The following DPP6 variants were observed in gnomAD, a reference collection of about 807,000 sequenced individuals.
DPP6 encodes the protein A-type potassium channel modulatory protein DPP6.
DPP6 carries 69 observed loss-of-function variants against 122.6 expected under a neutral mutation model. The observed-to-expected ratio is 0.56, with a 90% CI of 0.46 to 0.69. The LOEUF is 0.69. Ranked by LOEUF, DPP6 falls within the 30% of genes least tolerant of loss-of-function variation. The probability of loss-of-function intolerance (pLI) is 0.00; values close to 1 mark genes in which losing one functional copy is unlikely to be tolerated. For missense variants in DPP6, 928 were observed against 1,116.9 expected, an observed-to-expected ratio of 0.83 and a Z score of 2.41; for synonymous variants, 418 against 433.1, an observed-to-expected ratio of 0.97 and a Z score of 0.43.
chr7:153,935,333 T>G (rs1801382335), intron 1 of DPP6, among the ~76,000 whole-genome samples: 2 of 152,076 alleles, frequency 1.3e-5, no homozygotes. Context: ...CGGGCTCCTC[T>G]AACCCTAGCG....
chr7:154,216,817 T>A (rs1182395332), intron 1 of DPP6, among the ~76,000 whole-genome samples: 1 of 140,874 alleles, frequency 7.1e-6, no homozygotes, highest in Non-Finnish European at 1.5e-5. Flanking sequence ...GAGGTCATGT[T>A]TTTTGTGTTA....
At chr7:154,356,215 A>T (rs1298255956) in intron 1 of DPP6, among the ~76,000 whole-genome samples, 1 of 152,134 alleles carries the variant, frequency 6.6e-6, no homozygotes, top group African/African-American at 2.4e-5. Flanking sequence ...TTTTATATTG[A>T]CTTTGCATTT....
rs1220051145 is a variant in DPP6, at chr7:153,965,007, C to T, written c.51+77273C>T. 2.2e-5 allele frequency among the ~76,000 whole-genome samples: 3 copies of T among 136,216 alleles called. 1 individual carries two copies. The highest frequency in any genetic ancestry group is 8.6e-5 in the African/African-American group (3 of 35,052). The allele number at this position is 136,216 out of a possible 152,430, so 89.4% of individuals were successfully genotyped here. A position where few individuals can be genotyped will look rare whatever the true frequency, so the allele number is the denominator to read the frequency against. On this transcript the variant is annotated intron_variant, in intron 1 of 25. Transcript: ENST00000404039. ...TCCTTCCTTCCTTCCTTTCTTCCTT[C>T]CTTCCTTCCTTCCTTCCTTCCTTCC...
intron 1 of DPP6, among the ~76,000 whole-genome samples, chr7:154,167,544 G>A (rs910023678): frequency 2.0e-5 from 3 of 152,186 alleles, no homozygotes; most frequent in African/African-American, 7.2e-5. Context: ...GATTTGAGGC[G>A]CTAAACTCTT....
At position 154,779,349 on chromosome 7, in the gene DPP6, C is replaced by A. The variant is rs970633853; in HGVS notation, c.1136+6407C>A. The stretch of plus-strand genomic sequence containing the variant: ...ACCACCACCACCATCATCACTTCTA[C>A]TTCCACCACCACCACTGTCAGCTCT... On this transcript the variant is annotated intron_variant, in intron 10 of 25. Coordinates refer to ENST00000377770, the MANE Select transcript of DPP6 (RefSeq NM_130797.4). Among the ~76,000 whole-genome samples the A allele has an allele frequency of 1.1e-4, 17 of 151,082 alleles. No homozygotes were observed. The East Asian group carries it at 2.2e-3, about 19-fold the overall frequency.
chr7:154,296,003 G>GGC (rs1300726248), intron 1 of DPP6, among the ~76,000 whole-genome samples: 4 of 146,982 alleles, frequency 2.7e-5, no homozygotes, highest in African/African-American at 1.0e-4. Context: ...GGAGTGCAGT[G>GGC]GTGCTATCTC....
chr7:154,860,477 T>A (rs1246234453), intron 17 of DPP6, among the ~76,000 whole-genome samples: 1 of 151,958 alleles, frequency 6.6e-6, no homozygotes, highest in Non-Finnish European at 1.5e-5. Flanking sequence ...GGGGCCATGG[T>A]GGAAAGGATG....
intron 2 of DPP6, among the ~76,000 whole-genome samples, chr7:154,464,050 C>T (rs187832597): frequency 1.7e-3 from 253 of 152,262 alleles, no homozygotes; most frequent in African/African-American, 5.2e-3. Context: ...GCAGTTCTTG[C>T]GGCCTAGACT....
At chr7:154,276,011 G>A (rs553144122) in intron 1 of DPP6, among the ~76,000 whole-genome samples, 1 of 152,336 alleles carries the variant, frequency 6.6e-6, no homozygotes, top group African/African-American at 2.4e-5. Flanking sequence ...CCTTGCCAGT[G>A]CCTTGAAGTT....
At chr7:153,888,055 C>A (rs1196111101) in intron 1 of DPP6, among the ~76,000 whole-genome samples, 1 of 152,192 alleles carries the variant, frequency 6.6e-6, no homozygotes, top group Non-Finnish European at 1.5e-5. Context: ...GTCCGAGCCC[C>A]AAGCAGACCC....
chr7:153,784,194 T>C, the DPP6 span, among the ~76,000 whole-genome samples: 1 of 152,342 alleles, frequency 6.6e-6, no homozygotes, highest in East Asian at 1.9e-4. Flanking sequence ...ACATAATAAA[T>C]GTGCAAGCAG....
chr7:154,305,339 C>A, intron 1 of DPP6: 1 of 613,670 alleles, frequency 1.6e-6, no homozygotes, highest in Non-Finnish European at 2.1e-6. Context: ...CTTGTCTACC[C>A]ACCCTCCCTC....
intron 1 of DPP6, among the ~76,000 whole-genome samples, chr7:154,166,465 C>T (rs1448977521): frequency 6.6e-6 from 1 of 152,044 alleles, no homozygotes; most frequent in African/African-American, 2.4e-5. Flanking sequence ...CAAAGACGGG[C>T]ACCTGGCAGG....
intron 10 of DPP6, among the ~76,000 whole-genome samples, chr7:154,780,584 C>A (rs1173612580): frequency 6.6e-6 from 1 of 152,222 alleles, no homozygotes; most frequent in Non-Finnish European, 1.5e-5. Flanking sequence ...CACTGAAACA[C>A]TGGACAAGGT....
At chr7:153,989,573 A>G (rs1287904387) in intron 1 of DPP6, among the ~76,000 whole-genome samples, 1 of 151,908 alleles carries the variant, frequency 6.6e-6, no homozygotes, top group East Asian at 2.0e-4. Context: ...GTGTGCGGGA[A>G]GCAGGACCCC....
the DPP6 span, among the ~76,000 whole-genome samples, chr7:153,814,907 A>C: frequency 6.6e-6 from 1 of 152,112 alleles, no homozygotes; most frequent in Non-Finnish European, 1.5e-5. Context: ...AAAATTCAAC[A>C]ATGCTTCATG....
intron 1 of DPP6, among the ~76,000 whole-genome samples, chr7:153,908,614 T>C (rs1463533388): frequency 1.3e-5 from 2 of 152,224 alleles, no homozygotes; most frequent in Non-Finnish European, 2.9e-5. Flanking sequence ...ATTAATTCAA[T>C]GTATTTCAAA....
At chr7:153,756,502 A>C in the DPP6 span, among the ~76,000 whole-genome samples, 1 of 152,178 alleles carries the variant, frequency 6.6e-6, no homozygotes, top group African/African-American at 2.4e-5. Flanking sequence ...TCTGATAGAC[A>C]CTTGGGCATC....
At chr7:154,227,491 A>G in intron 1 of DPP6, among the ~76,000 whole-genome samples, 1 of 152,190 alleles carries the variant, frequency 6.6e-6, no homozygotes, top group East Asian at 1.9e-4. Flanking sequence ...CTGTTGTATA[A>G]CATTGTGAAT....
Sources: allele counts gnomAD v4.1 joint callset (sites outside exome capture counted in the v4.1 genomes callset), GRCh38; gene constraint gnomAD v4.1.1; transcripts MANE v1.5; gene names NCBI Gene and HGNC (gene_info 2026-07-23, HGNC 2026-07-21).